The following SPNS3 variants were observed in gnomAD, a reference collection of about 807,000 sequenced individuals.
The protein encoded by SPNS3 is SPNS lysolipid transporter 3, sphingosine-1-phosphate (putative).
SPNS3 carries 51 observed loss-of-function variants against 54.4 expected under a neutral mutation model. The observed-to-expected ratio is 0.94, with a 90% CI of 0.75 to 1.18. The LOEUF (loss-of-function observed/expected upper bound fraction) is 1.18, where lower values mean the gene tolerates loss of function less well. SPNS3 is among the 50% of genes most tolerant of loss of function. SPNS3 has a pLI of 0.00. For synonymous variants in SPNS3, 309 were observed against 294.7 expected, an observed-to-expected ratio of 1.05 and a Z score of -0.50; for missense variants, 669 against 677.4, an observed-to-expected ratio of 0.99 and a Z score of 0.14.
rs980302158 is a variant in SPNS3 at position 4,483,632 on chromosome 17, G to A, written c.1180-2596G>A. ...AGGAAGCCTCACCTGCCTTCCCAGA[G>A]CCACCAGTGAGTAATCACATAATTA... is the stretch of plus-strand genomic sequence containing the variant. On this transcript the variant is annotated intron_variant, in intron 9 of 11. Transcript: ENST00000355530. This position sits in a 1 kb window ranked among gnomAD's most constrained non-coding sequence, Gnocchi z 4.2. 1 of 152,278 alleles carries A rather than the reference G, an allele frequency of 6.6e-6. No homozygotes were observed. The highest frequency in any genetic ancestry group is 2.4e-5 in the African/African-American group (1 of 41,448). 9.4% of individuals were successfully genotyped at this position (152,278 alleles called of 1,614,324 possible). A position where few individuals can be genotyped will look rare whatever the true frequency, so the allele number is the denominator to read the frequency against.
At chr17:4,479,150 G>A (rs777911120) in intron 9 of SPNS3, among the ~76,000 whole-genome samples, 1 of 152,116 alleles carries the variant, frequency 6.6e-6, no homozygotes, top group Non-Finnish European at 1.5e-5. Context: ...CCATATTGGC[G>A]AGGCTGGTCT....
intron 2 of SPNS3, among the ~76,000 whole-genome samples, chr17:4,441,426 A>G (rs1254729380): frequency 6.6e-6 from 1 of 152,156 alleles, no homozygotes; most frequent in African/African-American, 2.4e-5. Flanking sequence ...GCTTTAGAAC[A>G]TGCATGGTTT....
At chr17:4,442,664 A>G (rs1270257171) in intron 2 of SPNS3, among the ~76,000 whole-genome samples, 1 of 152,186 alleles carries the variant, frequency 6.6e-6, no homozygotes, top group Non-Finnish European at 1.5e-5. Context: ...ACTAACACTG[A>G]CTTGGCCCTT....
intron 8 of SPNS3, among the ~76,000 whole-genome samples, chr17:4,475,809 T>G (rs1362933280): frequency 6.6e-6 from 1 of 152,188 alleles, no homozygotes; most frequent in African/African-American, 2.4e-5. Flanking sequence ...GGGCCCTTTT[T>G]GTGTGTTTTC....
intron 1 of SPNS3, 26 bp downstream of exon 1, chr17:4,434,192 C>T: frequency 1.3e-6 from 2 of 1,586,980 alleles, no homozygotes; most frequent in Non-Finnish European, 1.7e-6. Flanking sequence ...CTACCCTGGG[C>T]AGTACCTGCT....
At chr17:4,446,796 C>A (rs979594989) in intron 4 of SPNS3, 100 bp from the exon 5 acceptor site, 2 of 1,117,474 alleles carry the variant, frequency 1.8e-6, no homozygotes, top group Non-Finnish European at 1.3e-6. Flanking sequence ...AGAGCCAGCT[C>A]CCTGGGGCGT....
In SPNS3 at chr17:4,468,716, C is replaced by CT. The variant is rs1348352752; in HGVS notation, c.1114-9853dup. ...ACCTCTTTTCTTTATTTCTCTCTCT[C>CT]TTTCTTTTCTTTCTTTCTTTCTTTC... On this transcript the variant is annotated intron_variant, in intron 8 of 11. Coordinates refer to ENST00000355530, the MANE Select transcript of SPNS3 (RefSeq NM_182538.5). Among the ~76,000 whole-genome samples, 59 of 97,182 alleles carry CT rather than the reference C, an allele frequency of 6.1e-4. No individual in the cohort carries two copies. The South Asian group carries it at 0.021, about 34-fold the overall frequency. 63.8% of individuals were successfully genotyped at this position (97,182 alleles called of 152,430 possible).
At chr17:4,437,949 G>T (rs1970756118) in intron 1 of SPNS3, among the ~76,000 whole-genome samples, 1 of 152,006 alleles carries the variant, frequency 6.6e-6, no homozygotes, top group Non-Finnish European at 1.5e-5. Context: ...ACAACATCTG[G>T]CTAATTTTTT....
intron 8 of SPNS3, among the ~76,000 whole-genome samples, chr17:4,463,638 C>T (rs914220817): frequency 4.6e-5 from 7 of 150,816 alleles, no homozygotes; most frequent in Non-Finnish European, 2.9e-5. Flanking sequence ...ACTTTGGAGG[C>T]TGAGGTAGGA....
rs1003239191 is a variant in SPNS3 at position 4,445,142 on chromosome 17, C to T, written c.376C>T (p.Leu126Phe). ...TATCTTGCTGTGGTCAGGAGCTGGC[C>T]TCTCTAGCTCCTTCATCTCCCCCCG... Reference protein sequence around the residue: ...FGILLWSGAGLSSSFISPRYS... With the variant: ...FGILLWSGAGFSSSFISPRYS... Residue 126 changes from leucine to phenylalanine, a missense_variant, in exon 3 of 12, where the codon CTC (leucine) becomes TTC (phenylalanine). Leu to Phe is a conservative substitution (Grantham distance 22). Coordinates refer to ENST00000355530, the MANE Select transcript of SPNS3 (RefSeq NM_182538.5). The T allele has an allele frequency of 1.9e-6, 3 of 1,613,780 alleles. No individual in the cohort carries two copies. The South Asian group carries it at 3.3e-5, about 18-fold the overall frequency.
rs746628379 is a variant in SPNS3 at position 4,486,300 on chromosome 17, G to A, written c.1252G>A (p.Ala418Thr). The A allele has an allele frequency of 1.6e-5, 26 of 1,596,164 alleles. No homozygotes were observed. The South Asian group carries it at 1.9e-4, about 12-fold the overall frequency. ...QITVGHILGD[A>T]GSPYLTGLIS... ...CACGGTGGGCCACATCCTGGGAGACGCTGGCAGCCCCTATCTCACAGGACT... is the reference window on the plus strand; with the variant it reads ...CACGGTGGGCCACATCCTGGGAGACACTGGCAGCCCCTATCTCACAGGACT... The change falls in exon 10 of 12, where the codon GCT (alanine) becomes ACT (threonine). Residue 418 changes from alanine (A) to threonine (T), a missense_variant. Physicochemically the swap from Ala to Thr is moderately conservative, Grantham distance 58. Coordinates refer to ENST00000355530, the MANE Select transcript of SPNS3 (RefSeq NM_182538.5). The surrounding 1 kb of genome is among the most constrained non-coding windows in gnomAD (Gnocchi z 5.5).
chr17:4,477,846 G>A (rs937543098), intron 8 of SPNS3, among the ~76,000 whole-genome samples: 1 of 152,144 alleles, frequency 6.6e-6, no homozygotes, highest in African/African-American at 2.4e-5. Flanking sequence ...GGGCACGCTG[G>A]CTGGCACACG....
At chr17:4,470,045 A>G (rs1971815165) in intron 8 of SPNS3, among the ~76,000 whole-genome samples, 1 of 152,206 alleles carries the variant, frequency 6.6e-6, no homozygotes, top group African/African-American at 2.4e-5. Context: ...CTCTCTATAC[A>G]TTCACAGGCT....
chr17:4,463,591 T>C (rs889117695), intron 8 of SPNS3, among the ~76,000 whole-genome samples: 1 of 151,568 alleles, frequency 6.6e-6, no homozygotes, highest in South Asian at 2.1e-4. Flanking sequence ...ATTAAAAATT[T>C]AGCTGGGCGT....
chr17:4,479,219 G>A (rs1270777312), intron 9 of SPNS3, among the ~76,000 whole-genome samples: 2 of 152,252 alleles, frequency 1.3e-5, no homozygotes, highest in Non-Finnish European at 2.9e-5. Flanking sequence ...GGGATTACAG[G>A]CGTGAGCCAC....
At chr17:4,468,793 T>C (rs570806372) in intron 8 of SPNS3, among the ~76,000 whole-genome samples, 42 of 148,792 alleles carry the variant, frequency 2.8e-4, no homozygotes, top group African/African-American at 8.1e-4. Context: ...CTCTCTCTCT[T>C]TCTTTTTTTT....
intron 8 of SPNS3, among the ~76,000 whole-genome samples, chr17:4,453,434 T>A (rs1012753941): frequency 6.6e-6 from 1 of 152,170 alleles, no homozygotes; most frequent in African/African-American, 2.4e-5. Context: ...CTGGCCAATA[T>A]GGTGAAACCC....
At chr17:4,461,737 T>C (rs2144116080) in intron 8 of SPNS3, among the ~76,000 whole-genome samples, 1 of 152,174 alleles carries the variant, frequency 6.6e-6, no homozygotes, top group South Asian at 2.1e-4. Flanking sequence ...GAGTCAGAGG[T>C]GAGTTCCAGG....
intron 8 of SPNS3, among the ~76,000 whole-genome samples, chr17:4,475,314 G>A (rs1378104535): frequency 6.6e-6 from 1 of 152,162 alleles, no homozygotes; most frequent in Non-Finnish European, 1.5e-5. Flanking sequence ...TTTCTGTTTC[G>A]GAAGTCCCCT....
Sources: allele counts gnomAD v4.1 joint callset (sites outside exome capture counted in the v4.1 genomes callset), GRCh38; gene constraint gnomAD v4.1.1; non-coding constraint Gnocchi (gnomAD v3.1); transcripts MANE v1.5; gene names NCBI Gene and HGNC (gene_info 2026-07-23, HGNC 2026-07-21).